Variants in MGLL observed in about 807,000 individuals in gnomAD.
The protein encoded by MGLL is lysophospholipase homolog.
MGLL carries 7 observed loss-of-function variants against 29.1 expected under a neutral mutation model. The ratio of observed to expected loss-of-function variants is 0.24; its 90% CI spans 0.14 to 0.45. The LOEUF (loss-of-function observed/expected upper bound fraction) is 0.45. MGLL is among the 20% of genes least tolerant of loss of function. The pLI is 0.99. For synonymous variants in MGLL, 148 were observed against 168.3 expected (o/e 0.88, Z 0.93); for missense variants, 356 against 413.6 (o/e 0.86, Z 1.21).
At chr3:127,732,178 T>C (rs2076164268) in intron 3 of MGLL, among the ~76,000 whole-genome samples, 2 of 152,186 alleles carry the variant, frequency 1.3e-5, no homozygotes, top group South Asian at 4.1e-4. Context: ...AAAAAATAGC[T>C]TTGCGTAAGG....
chr3:127,775,968 T>C (rs1429475467), intron 3 of MGLL, among the ~76,000 whole-genome samples: 1 of 152,244 alleles, frequency 6.6e-6, no homozygotes, highest in African/African-American at 2.4e-5. Flanking sequence ...AGTGAGTCAC[T>C]GCAGCAGCTG....
At chr3:127,700,561 A>G (rs558935169) in intron 6 of MGLL, among the ~76,000 whole-genome samples, 1 of 152,282 alleles carries the variant, frequency 6.6e-6, no homozygotes, top group African/African-American at 2.4e-5. Context: ...TGTCCTCTGC[A>G]TGGCCTGCAC....
chr3:127,801,421 A>G (rs764675808), intron 2 of MGLL, among the ~76,000 whole-genome samples: 8 of 152,060 alleles, frequency 5.3e-5, no homozygotes, highest in Non-Finnish European at 8.8e-5. Flanking sequence ...TTTCAAGACC[A>G]GCCTGACCAA....
At chr3:127,694,373 GTA>G (rs1461284992) in intron 7 of MGLL, among the ~76,000 whole-genome samples, 3 of 97,748 alleles carry the variant, frequency 3.1e-5, no homozygotes, top group Non-Finnish European at 6.8e-5. Context: ...ATATATGTAT[GTA>G]TATATATGTG....
At chr3:127,753,739 G>A (rs533353669) in intron 3 of MGLL, among the ~76,000 whole-genome samples, 1 of 152,342 alleles carries the variant, frequency 6.6e-6, no homozygotes, top group African/African-American at 2.4e-5. Flanking sequence ...AGCAGGAGAT[G>A]TTCCATCTAC....
chr3:127,772,241 C>T (rs1179441621), intron 3 of MGLL, among the ~76,000 whole-genome samples: 1 of 152,148 alleles, frequency 6.6e-6, no homozygotes, highest in Admixed American at 6.5e-5. Flanking sequence ...AGCCACAATT[C>T]AAGGCCTCGT....
chr3:127,792,289 G>A lies in MGLL; in HGVS notation c.156-10394C>T, dbSNP rs553301673. ...CACACATGCATCTCTAAGATCTGAG[G>A]GACAGGGGTTCGAGAAAGGCTGGAG... On this transcript the variant is annotated intron_variant, in intron 2 of 7. Coordinates refer to ENST00000265052, the MANE Select transcript of MGLL (RefSeq NM_007283.7). Among the ~76,000 whole-genome samples the A allele has an allele frequency of 2.0e-5, 3 of 152,320 alleles. No homozygotes were observed. In the South Asian group the frequency reaches 6.2e-4, roughly 32 times the overall value.
At chr3:127,805,025 A>G (rs1183349975) in intron 2 of MGLL, among the ~76,000 whole-genome samples, 1 of 152,204 alleles carries the variant, frequency 6.6e-6, no homozygotes, top group Admixed American at 6.5e-5. Flanking sequence ...TGCAAGAGAG[A>G]ATGTTTAAAA....
intron 3 of MGLL, among the ~76,000 whole-genome samples, chr3:127,772,171 G>C (rs1287225144): frequency 8.3e-6 from 1 of 119,796 alleles, no homozygotes; most frequent in Admixed American, 7.5e-5. Context: ...TACCAGCCCT[G>C]CTTTTTCAAC....
chr3:127,799,801 A>C (rs1472270505), intron 2 of MGLL, among the ~76,000 whole-genome samples: 2 of 152,244 alleles, frequency 1.3e-5, no homozygotes, highest in African/African-American at 4.8e-5. Flanking sequence ...GCATATGATC[A>C]TGAATGCATT....
intron 3 of MGLL, among the ~76,000 whole-genome samples, chr3:127,727,293 G>T (rs753290819): frequency 1.6e-4 from 24 of 152,256 alleles, no homozygotes; most frequent in Non-Finnish European, 2.6e-4. Flanking sequence ...CAATGCCACC[G>T]AGGTGCCTTT....
At chr3:127,700,830 C>A (rs946403475) in intron 6 of MGLL, among the ~76,000 whole-genome samples, 1 of 152,156 alleles carries the variant, frequency 6.6e-6, no homozygotes, top group Non-Finnish European at 1.5e-5. Flanking sequence ...TGGAAAGCCC[C>A]GATAGCTTGC....
intron 3 of MGLL, among the ~76,000 whole-genome samples, chr3:127,740,795 C>T (rs181249440): frequency 0.01 from 1,592 of 152,326 alleles, 15 homozygotes; most frequent in Non-Finnish European, 0.015. Context: ...GCCGTGTCGA[C>T]GTAGTGTGGG....
chr3:127,809,748 T>C (rs1257996464), intron 2 of MGLL, among the ~76,000 whole-genome samples: 2 of 151,906 alleles, frequency 1.3e-5, no homozygotes, highest in Non-Finnish European at 2.9e-5. Flanking sequence ...AATGACAGAG[T>C]TCATTCCTGG....
intron 3 of MGLL, among the ~76,000 whole-genome samples, chr3:127,754,119 C>T (rs1949447623): frequency 6.6e-6 from 1 of 152,218 alleles, no homozygotes; most frequent in Non-Finnish European, 1.5e-5. Flanking sequence ...GAGGAGGCCA[C>T]AGCCTCCCGC....
At chr3:127,697,658 G>A (rs1296673699) in intron 6 of MGLL, among the ~76,000 whole-genome samples, 2 of 152,210 alleles carry the variant, frequency 1.3e-5, no homozygotes, top group Admixed American at 6.5e-5. Flanking sequence ...AAGCAGGCAG[G>A]GGCTGTGTGC....
At chr3:127,710,872 C>G in intron 5 of MGLL, 6 of 578,116 alleles carry the variant, frequency 1.0e-5, no homozygotes, top group Non-Finnish European at 9.4e-6. Flanking sequence ...TCTGCTCCAC[C>G]TTGGGGGAGC....
intron 2 of MGLL, among the ~76,000 whole-genome samples, chr3:127,812,033 T>G (rs1461884756): frequency 6.6e-6 from 1 of 152,248 alleles, no homozygotes; most frequent in Non-Finnish European, 1.5e-5. Flanking sequence ...CACATGGCCC[T>G]TGTAGTAACA....
chr3:127,745,720 G>A (rs761631027), intron 3 of MGLL, among the ~76,000 whole-genome samples: 4 of 152,148 alleles, frequency 2.6e-5, no homozygotes, highest in Non-Finnish European at 5.9e-5. Flanking sequence ...CCTGCTTCAG[G>A]ATGCCGGGGT....
Sources: gnomAD v4.1 joint callset for allele counts (sites outside exome capture counted in the v4.1 genomes callset) on GRCh38, gnomAD v4.1.1 for gene constraint, MANE v1.5 for transcripts, NCBI Gene and HGNC (gene_info 2026-07-23, HGNC 2026-07-21) for gene names.